The following GYG1 variants were observed in gnomAD, a reference collection of about 807,000 sequenced individuals.
The protein encoded by GYG1 is glycogenin-1.
GYG1 carries 44 observed loss-of-function variants against 41.9 expected under a neutral mutation model. That is an observed-to-expected ratio of 1.05 (90% CI 0.83 to 1.35). GYG1 has a LOEUF of 1.35. GYG1 is among the 40% of genes most tolerant of loss of function. The probability of loss-of-function intolerance (pLI) is 0.00; values close to 1 mark genes in which losing one functional copy is unlikely to be tolerated. For synonymous variants in GYG1, 141 were observed against 158.1 expected (o/e 0.89, Z 0.81); for missense variants, 429 against 418.9 (o/e 1.02, Z -0.21).
chr3:148,991,615 C>A lies in GYG1; in HGVS notation c.-26C>A. On this transcript the variant is annotated 5_prime_UTR_variant, in exon 1 of 8. Coordinates refer to ENST00000345003, the MANE Select transcript of GYG1 (RefSeq NM_004130.4). ...CTGAGTCACCAACCTGAGGCTGCCC[C>A]GGCCGCCTGCGCACCCGGCAGCACC... is the stretch of plus-strand genomic sequence containing the variant. The A allele has an allele frequency of 6.4e-7, 1 of 1,554,832 alleles. No individual in the cohort carries two copies. The highest frequency in any genetic ancestry group is 2.4e-5 in the East Asian group (1 of 41,924).
At chr3:149,008,565 G>A (rs1043863430) in intron 4 of GYG1, among the ~76,000 whole-genome samples, 9 of 152,230 alleles carry the variant, frequency 5.9e-5, no homozygotes, top group Middle Eastern at 3.4e-3. Context: ...GCCTTCCTTC[G>A]CCCATCAGAT....
chr3:149,016,918 C>A (rs2107912820), intron 5 of GYG1, among the ~76,000 whole-genome samples: 1 of 152,242 alleles, frequency 6.6e-6, no homozygotes, highest in African/African-American at 2.4e-5. Context: ...AGAACATGAG[C>A]CACAGAAGTG....
At chr3:149,008,245 T>C (rs973672876) in intron 4 of GYG1, 4 of 152,248 alleles carry the variant, frequency 2.6e-5, no homozygotes, top group East Asian at 3.9e-4. Flanking sequence ...TGTCCTGTTA[T>C]ACTCAGGGGA....
At chr3:149,014,325 A>G (rs980585291) in intron 5 of GYG1, among the ~76,000 whole-genome samples, 4 of 152,154 alleles carry the variant, frequency 2.6e-5, no homozygotes, top group Admixed American at 1.3e-4. Context: ...CCAAGAGAAA[A>G]GCTTCCATAT....
intron 1 of GYG1, among the ~76,000 whole-genome samples, chr3:148,992,189 G>A (rs1381253431): frequency 6.6e-6 from 1 of 152,286 alleles, no homozygotes; most frequent in African/African-American, 2.4e-5. Context: ...CGGGAAGCCG[G>A]GAGTCGGACT....
In GYG1 at chr3:149,029,958, A is replaced by G. The variant is rs145065914; in HGVS notation, c.*3025A>G. Among the ~76,000 whole-genome samples the G allele has an allele frequency of 5.1e-3, 777 of 152,352 alleles. 6 individuals are homozygous for G. The highest frequency in any genetic ancestry group is 0.017 in the African/African-American group (699 of 41,578). On this transcript the variant is annotated 3_prime_UTR_variant, in exon 8 of 8. Coordinates refer to ENST00000345003, the MANE Select transcript of GYG1 (RefSeq NM_004130.4). ...TCTTGATTTCTGAACAAGAATTTCA[A>G]CCAGCTAAATTGAGCAAAATAAAGT...
At chr3:149,017,620 C>T (rs1714137506) in intron 5 of GYG1, among the ~76,000 whole-genome samples, 1 of 92,300 alleles carries the variant, frequency 1.1e-5, no homozygotes, top group African/African-American at 4.2e-5. Context: ...TTTGGAGACA[C>T]AGTCTCGCTC....
At chr3:149,025,579 T>C (rs142925800) in intron 6 of GYG1, among the ~76,000 whole-genome samples, 1 of 152,306 alleles carries the variant, frequency 6.6e-6, no homozygotes, top group East Asian at 1.9e-4. Flanking sequence ...CTATATTAAG[T>C]ACTATTAGTA....
At chr3:148,994,077 C>A in intron 1 of GYG1, 65 bp from the exon 2 acceptor site, 1 of 1,421,478 alleles carries the variant, frequency 7.0e-7, no homozygotes, top group South Asian at 1.2e-5. Context: ...TGAATGGGTT[C>A]CTGGGGAAAA....
At chr3:149,006,990 T>C (rs1381729204) in intron 4 of GYG1, among the ~76,000 whole-genome samples, 2 of 152,242 alleles carry the variant, frequency 1.3e-5, no homozygotes, top group Non-Finnish European at 2.9e-5. Flanking sequence ...TGAAATATCA[T>C]AGATTAAATG....
intron 5 of GYG1, among the ~76,000 whole-genome samples, chr3:149,017,935 A>T (rs1714166384): frequency 6.6e-6 from 1 of 152,042 alleles, no homozygotes; most frequent in Non-Finnish European, 1.5e-5. Flanking sequence ...TTAGCCATGC[A>T]ATGTAAATTC....
Position 149,009,060 on chromosome 3 carries a change from TAGAC to T in GYG1, c.482-213_482-210del, listed in dbSNP as rs34724217. On this transcript the variant is annotated intron_variant, in intron 4 of 7. Coordinates refer to ENST00000345003, the MANE Select transcript of GYG1 (RefSeq NM_004130.4). ...TGTAGTCCCAGCTACTCGGGAGGCTTAGACAGGAGAATTGCTTGAACCCAGGAGG... is the reference window on the plus strand; with the variant it reads ...TGTAGTCCCAGCTACTCGGGAGGCTTAGGAGAATTGCTTGAACCCAGGAGG... 128,080 of 492,262 alleles carry T rather than the reference TAGAC, an allele frequency of 0.26. 17,016 individuals are homozygous for T. Among genetic ancestry groups the T allele is most frequent in the East Asian group, 0.31 (7,796 of 25,270 alleles). The allele number at this position is 492,262 out of a possible 1,614,324, so 30.5% of individuals were successfully genotyped here.
chr3:149,004,324 C>A (rs1275260545), intron 4 of GYG1, among the ~76,000 whole-genome samples: 1 of 152,158 alleles, frequency 6.6e-6, no homozygotes, highest in Non-Finnish European at 1.5e-5. Flanking sequence ...TAAAATGTAT[C>A]GGACAAAAGT....
intron 4 of GYG1, among the ~76,000 whole-genome samples, chr3:148,998,518 A>C (rs1712930109): frequency 6.6e-6 from 1 of 152,236 alleles, no homozygotes; most frequent in African/African-American, 2.4e-5. Context: ...TCTGCTCTCT[A>C]CATGCTCTAA....
intron 4 of GYG1, among the ~76,000 whole-genome samples, chr3:148,998,196 G>A (rs755664259): frequency 6.6e-6 from 1 of 152,194 alleles, no homozygotes; most frequent in Non-Finnish European, 1.5e-5. Flanking sequence ...TTTGGCTGAG[G>A]ATTTGGGAAT....
intron 5 of GYG1, 55 bp downstream of exon 5, chr3:149,009,457 T>A: frequency 1.3e-6 from 2 of 1,558,974 alleles, no homozygotes. Context: ...AGAATTGGGG[T>A]GTACAATTTT....
At chr3:148,994,834 G>A (rs535424266) in intron 2 of GYG1, among the ~76,000 whole-genome samples, 5 of 152,326 alleles carry the variant, frequency 3.3e-5, no homozygotes, top group African/African-American at 1.2e-4. Flanking sequence ...ACACTAAAGG[G>A]TATAAACTGC....
At chr3:149,005,528 A>G (rs71304436) in intron 4 of GYG1, among the ~76,000 whole-genome samples, 4,080 of 152,326 alleles carry the variant, frequency 0.027, 71 homozygotes, top group South Asian at 0.053. Context: ...TAGTATTAAT[A>G]TACTAACCAT....
chr3:149,019,901 C>A (rs550213774), intron 5 of GYG1, among the ~76,000 whole-genome samples: 1 of 152,352 alleles, frequency 6.6e-6, no homozygotes. Context: ...CGGTCCAGAG[C>A]CATGCTGGGA....
Sources: gnomAD v4.1 joint callset for allele counts (sites outside exome capture counted in the v4.1 genomes callset) on GRCh38, gnomAD v4.1.1 for gene constraint, MANE v1.5 for transcripts, NCBI Gene and HGNC (gene_info 2026-07-23, HGNC 2026-07-21) for gene names.